TAPT1: variants seen among roughly 807,000 people sequenced by gnomAD.
The protein encoded by TAPT1 is transmembrane anterior posterior transformation protein 1 homolog.
In TAPT1, 28 loss-of-function variants were observed where a neutral mutation model predicts 65.6. That is an observed-to-expected ratio of 0.43 (90% CI 0.32 to 0.59). TAPT1 has a LOEUF of 0.59. Ranked by LOEUF, TAPT1 falls within the 20% of genes least tolerant of loss-of-function variation. TAPT1 has a pLI of 0.09. For synonymous variants in TAPT1, 278 were observed against 245.2 expected (o/e 1.13, Z -1.25); for missense variants, 563 against 679.9 (o/e 0.83, Z 1.91).
chr4:16,166,808 A>G lies in TAPT1; in HGVS notation c.1314-15T>C, dbSNP rs373802769. ...GGGATATCAACCTAAAAACAGAAAC[A>G]AAACAAACCACATCCGTTGGAATTC... is the stretch of plus-strand genomic sequence containing the variant. On this transcript the variant is annotated splice_polypyrimidine_tract_variant and intron_variant, in intron 12 of 13. Coordinates refer to ENST00000405303, the MANE Select transcript of TAPT1 (RefSeq NM_153365.3). The G allele has an allele frequency of 4.3e-6, 7 of 1,611,730 alleles. No homozygotes were observed. In the African/African-American group the frequency reaches 6.7e-5, roughly 15 times the overall value.
intron 2 of TAPT1, among the ~76,000 whole-genome samples, chr4:16,212,336 G>A (rs1750690296): frequency 6.6e-6 from 1 of 152,204 alleles, no homozygotes; most frequent in East Asian, 1.9e-4. Flanking sequence ...ACAGGCCCTG[G>A]CAGGCTGTCC....
chr4:16,168,824 T>G (rs1368687486), intron 12 of TAPT1, among the ~76,000 whole-genome samples: 1 of 152,236 alleles, frequency 6.6e-6, no homozygotes, highest in Non-Finnish European at 1.5e-5. Flanking sequence ...CAGGCCCTGC[T>G]GCTAAGCAGC....
intron 1 of TAPT1, chr4:16,216,076 T>C (rs946701885): frequency 6.6e-6 from 1 of 152,186 alleles, no homozygotes; most frequent in African/African-American, 2.4e-5. Context: ...TCACTGACCT[T>C]AGTGAACTCT....
intron 3 of TAPT1, among the ~76,000 whole-genome samples, chr4:16,194,939 C>T (rs1749611526): frequency 6.6e-6 from 1 of 151,556 alleles, no homozygotes; most frequent in Non-Finnish European, 1.5e-5. Context: ...ACCATGTTGG[C>T]CAGGATGGTC....
intron 7 of TAPT1, 147 bp from the exon 8 acceptor site, chr4:16,179,804 G>GTGTATATATATATATATATA (rs1553825039): frequency 5.8e-4 from 65 of 111,892 alleles, no homozygotes; most frequent in African/African-American, 1.4e-3. Context: ...ATATATATAT[G>GTGTATATATATATATATATA]TGTGTGTGTG....
intron 8 of TAPT1, among the ~76,000 whole-genome samples, chr4:16,177,299 A>G (rs1748394116): frequency 6.6e-6 from 1 of 152,252 alleles, no homozygotes; most frequent in Admixed American, 6.5e-5. Flanking sequence ...ATGCCAATTC[A>G]GTACCAGGTA....
rs1223814603 is a variant in TAPT1 at position 16,221,329 on chromosome 4, T to A, written c.199+4930A>T. Among the ~76,000 whole-genome samples the A allele has an allele frequency of 4.6e-5, 7 of 152,100 alleles. No homozygotes were observed. The East Asian group carries it at 1.4e-3, about 30-fold the overall frequency. The stretch of plus-strand genomic sequence containing the variant: ...TTAGTAGAGACAGGGTTTCACCGTG[T>A]TGCCCATACTGGTCTCGAACTACTG... On this transcript the variant is annotated intron_variant, in intron 1 of 13. Transcript: ENST00000405303.
chr4:16,176,182 T>C lies in TAPT1; in HGVS notation c.1044A>G (p.Ser348=), dbSNP rs916375549. 1 of 1,579,632 alleles carries C rather than the reference T, an allele frequency of 6.3e-7. No individual in the cohort carries two copies. The highest frequency in any genetic ancestry group is 8.6e-7 in the Non-Finnish European group (1 of 1,161,656). ...LFPDVCMVIA[S]EIAVDIVKHA... The stretch of plus-strand genomic sequence containing the variant: ...GTTTTACAATATCCACGGCAATTTC[T>C]GATGCAATTACCATACAGACATCTG... Residue 348 remains serine, a synonymous_variant, in exon 9 of 14, where the codon TCA becomes TCG. Coordinates refer to ENST00000405303, the MANE Select transcript of TAPT1 (RefSeq NM_153365.3).
chr4:16,225,763 C>T, intron 1 of TAPT1: 1 of 467,750 alleles, frequency 2.1e-6, no homozygotes, highest in Admixed American at 6.4e-5. Flanking sequence ...AACTACTGAA[C>T]TTCATGGTCA....
intron 1 of TAPT1, among the ~76,000 whole-genome samples, chr4:16,224,415 C>T (rs1231952965): frequency 6.6e-6 from 1 of 152,186 alleles, no homozygotes; most frequent in Non-Finnish European, 1.5e-5. Context: ...ATGTGACTAG[C>T]AGAGCAGGGA....
intron 8 of TAPT1, among the ~76,000 whole-genome samples, chr4:16,177,688 AATT>A (rs1337829654): frequency 6.6e-6 from 1 of 152,218 alleles, no homozygotes; most frequent in Non-Finnish European, 1.5e-5. Context: ...GTCTACACTT[AATT>A]ATTATGAGAA....
intron 2 of TAPT1, among the ~76,000 whole-genome samples, chr4:16,209,108 C>T (rs1029080049): frequency 1.3e-5 from 2 of 152,112 alleles, no homozygotes; most frequent in Non-Finnish European, 2.9e-5. Context: ...CAGCATGTGT[C>T]GGTGGTTTCC....
At chr4:16,175,070 T>C (rs1456063937) in intron 9 of TAPT1, 1 of 159,280 alleles carries the variant, frequency 6.3e-6, no homozygotes, top group African/African-American at 2.4e-5. Context: ...TTAAATTAAA[T>C]GAATAGTTTA....
At chr4:16,193,001 A>C (rs1019163244) in intron 3 of TAPT1, among the ~76,000 whole-genome samples, 5 of 152,206 alleles carry the variant, frequency 3.3e-5, no homozygotes, top group Admixed American at 1.3e-4. Context: ...TGTTACTTGA[A>C]ACATTGCTTT....
At chr4:16,167,444 T>C (rs1405522123) in intron 12 of TAPT1, among the ~76,000 whole-genome samples, 1 of 152,236 alleles carries the variant, frequency 6.6e-6, no homozygotes, top group Non-Finnish European at 1.5e-5. Flanking sequence ...CACACCCTTA[T>C]GATAATCACT....
At chr4:16,194,533 T>G (rs551390413) in intron 3 of TAPT1, among the ~76,000 whole-genome samples, 1 of 152,136 alleles carries the variant, frequency 6.6e-6, no homozygotes, top group Non-Finnish European at 1.5e-5. Context: ...GAACCTACTA[T>G]CTTTCTGTAA....
rs1429259248 is a variant in TAPT1 at position 16,213,836 on chromosome 4, C to T, written c.262G>A (p.Glu88Lys). The change falls in exon 2 of 14, where the codon GAG becomes AAG. Residue 88 changes from glutamate (E) to lysine (K), a missense_variant. Physicochemically the swap from Glu to Lys is moderately conservative, Grantham distance 56. Transcript: ENST00000405303. ...TCTCTTCTTTCTGTATACTTGGCCT[C>T]ATTATGTTCAAGGAAGTACCCTCTT... ...LTRGYFLEHN[E>K]AKYTERRERV... The T allele has an allele frequency of 9.9e-6, 16 of 1,610,148 alleles. No individual in the cohort carries two copies. Among genetic ancestry groups the T allele is most frequent in the Non-Finnish European group, 1.2e-5 (14 of 1,178,814 alleles).
At chr4:16,213,165 T>A (rs948919244) in intron 2 of TAPT1, among the ~76,000 whole-genome samples, 7 of 152,242 alleles carry the variant, frequency 4.6e-5, no homozygotes, top group African/African-American at 1.7e-4. Flanking sequence ...AACTCTAGCA[T>A]CGCCTAGGGG....
intron 1 of TAPT1, among the ~76,000 whole-genome samples, chr4:16,215,716 A>G (rs1750902374): frequency 6.6e-6 from 1 of 152,218 alleles, no homozygotes; most frequent in Non-Finnish European, 1.5e-5. Context: ...CGCAATATGT[A>G]AACTCTATTG....
Sources: allele counts gnomAD v4.1 joint callset (sites outside exome capture counted in the v4.1 genomes callset), GRCh38; gene constraint gnomAD v4.1.1; transcripts MANE v1.5; gene names NCBI Gene and HGNC (gene_info 2026-07-23, HGNC 2026-07-21).